Variants in DOCK9 observed in about 807,000 individuals in gnomAD.
The protein encoded by DOCK9 is dedicator of cytokinesis 9, also known as dedicator of cytokinesis protein 9.
A neutral mutation model predicts 263.3 loss-of-function variants in DOCK9; 89 were observed. That is an observed-to-expected ratio of 0.34 (90% CI 0.28 to 0.40). The LOEUF (loss-of-function observed/expected upper bound fraction) is 0.40, where lower values mean the gene tolerates loss of function less well. DOCK9 is among the 10% of genes least tolerant of loss of function. DOCK9 has a pLI of 1.00. For missense variants in DOCK9, 2,140 were observed against 2,603.4 expected (o/e 0.82, Z 3.87); for synonymous variants, 976 against 973.1 (o/e 1.00, Z -0.06).
chr13:98,836,667 AAG>A (rs2093011771), intron 39 of DOCK9, among the ~76,000 whole-genome samples: 1 of 152,150 alleles, frequency 6.6e-6, no homozygotes, highest in Non-Finnish European at 1.5e-5. Flanking sequence ...TCATGGGGAC[AAG>A]AGAGGGGTGG....
chr13:99,021,422 G>A (rs924678876), intron 1 of DOCK9, among the ~76,000 whole-genome samples: 2 of 152,128 alleles, frequency 1.3e-5, no homozygotes, highest in Non-Finnish European at 2.9e-5. Flanking sequence ...GATGGATCAC[G>A]AGGTCAGGTG....
At chr13:99,077,694 C>T (rs1483178540) in intron 1 of DOCK9, among the ~76,000 whole-genome samples, 2 of 152,290 alleles carry the variant, frequency 1.3e-5, no homozygotes, top group South Asian at 4.1e-4. Flanking sequence ...GTGAGTCCTC[C>T]TTGCAGACAC....
chr13:98,986,763 C>A (rs1028647685), intron 1 of DOCK9, among the ~76,000 whole-genome samples: 1 of 152,152 alleles, frequency 6.6e-6, no homozygotes, highest in African/African-American at 2.4e-5. Context: ...TAGGGGCTCA[C>A]ACGTTGTTAT....
intron 1 of DOCK9, among the ~76,000 whole-genome samples, chr13:98,971,860 T>C (rs537639390): frequency 6.6e-6 from 1 of 152,350 alleles, no homozygotes; most frequent in Non-Finnish European, 1.5e-5. Context: ...CATTCATATT[T>C]CTTAGTTCTT....
intron 39 of DOCK9, among the ~76,000 whole-genome samples, chr13:98,835,864 C>T (rs1428128451): frequency 2.0e-5 from 3 of 151,168 alleles, no homozygotes; most frequent in Non-Finnish European, 2.9e-5. Flanking sequence ...CTTAGCCTCC[C>T]GTAGCTGGGA....
At chr13:99,030,216 CTTG>C (rs1887188075) in intron 1 of DOCK9, among the ~76,000 whole-genome samples, 1 of 152,120 alleles carries the variant, frequency 6.6e-6, no homozygotes, top group Non-Finnish European at 1.5e-5. Flanking sequence ...TTTACTAAAA[CTTG>C]TTGAATTGTA....
chr13:98,804,030 G>A (rs2090418420), intron 49 of DOCK9, among the ~76,000 whole-genome samples: 1 of 151,686 alleles, frequency 6.6e-6, no homozygotes, highest in African/African-American at 2.4e-5. Context: ...GCCGGTGAGA[G>A]CTGATAAGCA....
chr13:98,886,178 A>G (rs1594971044), intron 19 of DOCK9, among the ~76,000 whole-genome samples: 1 of 152,210 alleles, frequency 6.6e-6, no homozygotes, highest in Non-Finnish European at 1.5e-5. Context: ...ATTACATTAT[A>G]TTTTATGTAA....
At chr13:99,044,873 G>C (rs1426555013) in intron 1 of DOCK9, among the ~76,000 whole-genome samples, 1 of 152,122 alleles carries the variant, frequency 6.6e-6, no homozygotes, top group East Asian at 1.9e-4. Context: ...CTTCCTACCC[G>C]TGTTTCTCAG....
intron 1 of DOCK9, among the ~76,000 whole-genome samples, chr13:98,962,966 G>C (rs2058814478): frequency 6.6e-6 from 1 of 152,212 alleles, no homozygotes; most frequent in Admixed American, 6.5e-5. Context: ...GTGAAGAAGA[G>C]AGCAGGCAGG....
intron 3 of DOCK9, among the ~76,000 whole-genome samples, chr13:98,928,591 A>G (rs1324962579): frequency 6.6e-6 from 1 of 152,250 alleles, no homozygotes; most frequent in Non-Finnish European, 1.5e-5. Flanking sequence ...CACATGCTTT[A>G]AAACATAGGT....
intron 37 of DOCK9, chr13:98,847,560 T>G (rs1207515856): frequency 6.6e-6 from 1 of 152,184 alleles, no homozygotes; most frequent in Non-Finnish European, 1.5e-5. Context: ...CTTCTTAACA[T>G]AAAATGTAAT....
At chr13:99,031,565 T>A (rs1887347757) in intron 1 of DOCK9, among the ~76,000 whole-genome samples, 1 of 152,264 alleles carries the variant, frequency 6.6e-6, no homozygotes, top group Admixed American at 6.5e-5. Flanking sequence ...AATATAGATG[T>A]GGTCCTCTAT....
intron 1 of DOCK9, among the ~76,000 whole-genome samples, chr13:99,033,668 T>C (rs928338470): frequency 3.3e-5 from 5 of 152,184 alleles, no homozygotes; most frequent in African/African-American, 1.2e-4. Flanking sequence ...TCTCACCTAT[T>C]GCAACAGTGA....
chr13:98,978,187 T>G, upstream of DOCK9: 1 of 1,032,356 alleles, frequency 9.7e-7, no homozygotes, highest in Non-Finnish European at 1.3e-6. Flanking sequence ...ATACACAGTG[T>G]ACTGCCTCTC....
chr13:98,961,001 TTCCCTGGAGAGTGG>T (rs1438946115), intron 1 of DOCK9, among the ~76,000 whole-genome samples: 1 of 152,202 alleles, frequency 6.6e-6, no homozygotes, highest in Non-Finnish European at 1.5e-5. Context: ...AGGGCTGTAA[TTCCCTGGAGAGTGG>T]TCATGTGGAA....
chr13:98,846,769 G>A, intron 37 of DOCK9: 1 of 360,662 alleles, frequency 2.8e-6, no homozygotes, highest in South Asian at 2.1e-5. Context: ...ACTGCATGCT[G>A]CTGGGTGACT....
chr13:98,802,370 G>T (rs912578376), intron 49 of DOCK9, among the ~76,000 whole-genome samples: 1 of 152,248 alleles, frequency 6.6e-6, no homozygotes, highest in African/African-American at 2.4e-5. Flanking sequence ...CCAAATGGCT[G>T]CATGAGAGTC....
intron 1 of DOCK9, among the ~76,000 whole-genome samples, chr13:98,999,292 A>G (rs754125906): frequency 1.1e-3 from 121 of 112,726 alleles, no homozygotes; most frequent in Middle Eastern, 4.8e-3. Flanking sequence ...ATGCACGCGC[A>G]CACACACACA....
Sources: allele counts gnomAD v4.1 joint callset (sites outside exome capture counted in the v4.1 genomes callset), GRCh38; gene constraint gnomAD v4.1.1; transcripts MANE v1.5; gene names NCBI Gene and HGNC (gene_info 2026-07-23, HGNC 2026-07-21).